The following ROBO2 variants were observed in gnomAD, a reference collection of about 807,000 sequenced individuals.
ROBO2 encodes roundabout guidance receptor 2.
A neutral mutation model predicts 160.8 loss-of-function variants in ROBO2; 53 were observed. That is an observed-to-expected ratio of 0.33 (90% CI 0.26 to 0.41). ROBO2 has a LOEUF of 0.41. Ranked by LOEUF, ROBO2 falls within the 10% of genes least tolerant of loss-of-function variation. ROBO2 has a pLI of 1.00. For missense variants in ROBO2, 1,577 were observed against 1,722.4 expected, an observed-to-expected ratio of 0.92 and a Z score of 1.49; for synonymous variants, 664 against 611.7, an observed-to-expected ratio of 1.09 and a Z score of -1.26.
chr3:76,863,982 C>G (rs1308666425), intron 2 of ROBO2, among the ~76,000 whole-genome samples: 1 of 152,112 alleles, frequency 6.6e-6, no homozygotes, highest in South Asian at 2.1e-4. Context: ...TATAACTTCT[C>G]TAATAAATAT....
At chr3:76,690,011 T>A (rs576874217) in intron 2 of ROBO2, among the ~76,000 whole-genome samples, 1 of 152,258 alleles carries the variant, frequency 6.6e-6, no homozygotes, top group South Asian at 2.1e-4. Context: ...AGGTGAAATA[T>A]AAGGTGCCAC....
At chr3:77,391,529 C>T (rs1460693668) in intron 2 of ROBO2, among the ~76,000 whole-genome samples, 2 of 151,856 alleles carry the variant, frequency 1.3e-5, no homozygotes, top group Non-Finnish European at 2.9e-5. Context: ...TGTAGGGGAA[C>T]TCTCCTTTAT....
intron 2 of ROBO2, among the ~76,000 whole-genome samples, chr3:77,384,867 C>G (rs533068824): frequency 1.3e-5 from 2 of 152,248 alleles, no homozygotes; most frequent in South Asian, 2.1e-4. Context: ...TTCCCTTCCC[C>G]CATTGTTACC....
At chr3:75,975,934 C>T (rs1007374792) in intron 2 of ROBO2, among the ~76,000 whole-genome samples, 7 of 151,466 alleles carry the variant, frequency 4.6e-5, no homozygotes, top group African/African-American at 1.7e-4. Context: ...GTTCTATTCC[C>T]ATCAAATCCC....
intron 2 of ROBO2, among the ~76,000 whole-genome samples, chr3:76,821,819 T>C (rs1408560174): frequency 6.6e-6 from 1 of 152,008 alleles, no homozygotes; most frequent in Non-Finnish European, 1.5e-5. Context: ...AAACTGACTA[T>C]AAATTGGTCC....
At chr3:77,057,217 A>G (rs753681309) in intron 1 of ROBO2, among the ~76,000 whole-genome samples, 30 of 152,172 alleles carry the variant, frequency 2.0e-4, no homozygotes, top group Non-Finnish European at 2.8e-4. Flanking sequence ...AAGGACAGAA[A>G]ACCAAACACC....
chr3:76,524,904 G>A (rs1395615243), intron 2 of ROBO2, among the ~76,000 whole-genome samples: 4 of 126,644 alleles, frequency 3.2e-5, no homozygotes, highest in African/African-American at 5.9e-5. Context: ...TGATTTCTAC[G>A]CCTCACATTG....
At chr3:76,224,675 C>A (rs553314162) in intron 2 of ROBO2, among the ~76,000 whole-genome samples, 32 of 152,184 alleles carry the variant, frequency 2.1e-4, no homozygotes, top group Non-Finnish European at 3.4e-4. Flanking sequence ...TTACCTAATT[C>A]ATAATTTTCT....
intron 1 of ROBO2, among the ~76,000 whole-genome samples, chr3:77,051,295 G>A (rs1463471236): frequency 1.3e-5 from 2 of 152,102 alleles, no homozygotes. Context: ...CAACATGTGG[G>A]TACAGATTTT....
At chr3:76,812,324 T>G (rs2109008472) in intron 2 of ROBO2, among the ~76,000 whole-genome samples, 1 of 149,840 alleles carries the variant, frequency 6.7e-6, no homozygotes, top group South Asian at 2.1e-4. Context: ...ATTATACAAA[T>G]TTTAAAGATA....
intron 2 of ROBO2, among the ~76,000 whole-genome samples, chr3:76,031,595 G>A (rs966457613): frequency 3.3e-5 from 5 of 152,112 alleles, no homozygotes; most frequent in African/African-American, 4.8e-5. Context: ...TTTGTCAAAG[G>A]CCTTTTCTGA....
At chr3:76,626,004 G>A (rs1472228930) in intron 2 of ROBO2, among the ~76,000 whole-genome samples, 1 of 152,178 alleles carries the variant, frequency 6.6e-6, no homozygotes, top group African/African-American at 2.4e-5. Context: ...CCCAGTGTGG[G>A]AGTAGCAGAG....
chr3:76,738,632 G>A (rs1228837839), intron 2 of ROBO2, among the ~76,000 whole-genome samples: 3 of 152,122 alleles, frequency 2.0e-5, no homozygotes, highest in Non-Finnish European at 2.9e-5. Context: ...CTTCGAACAC[G>A]GTAAGATGGA....
At chr3:77,492,775 G>A (rs1325199755) in intron 4 of ROBO2, among the ~76,000 whole-genome samples, 2 of 152,110 alleles carry the variant, frequency 1.3e-5, no homozygotes, top group African/African-American at 2.4e-5. Context: ...ATACATATGT[G>A]TGAAAGTACA....
intron 2 of ROBO2, among the ~76,000 whole-genome samples, chr3:76,894,971 G>A (rs2074654194): frequency 6.6e-6 from 1 of 152,052 alleles, no homozygotes; most frequent in African/African-American, 2.4e-5. Flanking sequence ...ATATATTAGA[G>A]AATTGTTTGT....
chr3:77,202,875 TTAGG>T (rs1449907553), intron 2 of ROBO2, among the ~76,000 whole-genome samples: 55 of 152,344 alleles, frequency 3.6e-4, no homozygotes, highest in African/African-American at 1.3e-3. Context: ...GGCAAAGGCC[TTAGG>T]ACAGAAAATA....
At chr3:76,003,242 A>G (rs1321664166) in intron 2 of ROBO2, among the ~76,000 whole-genome samples, 1 of 152,136 alleles carries the variant, frequency 6.6e-6, no homozygotes, top group Non-Finnish European at 1.5e-5. Context: ...CTAAATAAAT[A>G]CCAGTGGACA....
At chr3:77,367,842 C>T (rs1234917836) in intron 2 of ROBO2, among the ~76,000 whole-genome samples, 1 of 152,080 alleles carries the variant, frequency 6.6e-6, no homozygotes, top group Non-Finnish European at 1.5e-5. Context: ...AGTTGTGGTT[C>T]TTTATGTGAA....
At chr3:76,810,372 A>G (rs1469939499) in intron 2 of ROBO2, among the ~76,000 whole-genome samples, 1 of 152,174 alleles carries the variant, frequency 6.6e-6, no homozygotes, top group African/African-American at 2.4e-5. Flanking sequence ...CTTGGACCAC[A>G]GTTACTTTTC....
Sources: allele counts gnomAD v4.1 joint callset (sites outside exome capture counted in the v4.1 genomes callset), GRCh38; gene constraint gnomAD v4.1.1; transcripts MANE v1.5; gene names NCBI Gene and HGNC (gene_info 2026-07-23, HGNC 2026-07-21).